Variants in METTL9 observed in about 807,000 individuals in gnomAD.
The protein encoded by METTL9 is methyltransferase 9, His-X-His N1(pi)-histidine.
In METTL9, 10 loss-of-function variants were observed where a neutral mutation model predicts 36.0. That is an observed-to-expected ratio of 0.28 (90% CI 0.17 to 0.47). The LOEUF (loss-of-function observed/expected upper bound fraction) is 0.47, where lower values mean the gene tolerates loss of function less well. Among genes scored for constraint, METTL9 ranks in the 20% least tolerant of loss-of-function variants. The pLI, the probability that METTL9 is intolerant of heterozygous loss-of-function variation, is 0.99. For missense variants in METTL9, 246 were observed against 383.5 expected, an observed-to-expected ratio of 0.64 and a Z score of 3.00; for synonymous variants, 175 against 149.7, an observed-to-expected ratio of 1.17 and a Z score of -1.23.
rs3046231 is a variant in METTL9 at position 21,605,257 on chromosome 16, C to CTTTTTTTT, written c.165+5391_165+5398dup. 7.6e-3 allele frequency among the ~76,000 whole-genome samples: 388 copies of CTTTTTTTT among 51,222 alleles called. 120 individuals carry two copies. Among genetic ancestry groups the CTTTTTTTT allele is most frequent in the Non-Finnish European group, 9.4e-3 (244 of 25,852 alleles). 33.6% of individuals were successfully genotyped at this position (51,222 alleles called of 152,430 possible). Reference sequence around the variant, plus strand: ...GGGGTGGTAAAAATAGGCTTGCCTTCTTTTTTTTTTTTTTTTTTTTTTTTT... The same window carrying CTTTTTTTT: ...GGGGTGGTAAAAATAGGCTTGCCTTCTTTTTTTTTTTTTTTTTTTTTTTTTTTTTTTTT... On this transcript the variant is annotated intron_variant, in intron 1 of 4. Coordinates refer to ENST00000358154, the MANE Select transcript of METTL9 (RefSeq NM_016025.5).
chr16:21,635,859 C>T (rs748715560), intron 4 of METTL9, among the ~76,000 whole-genome samples: 6 of 152,094 alleles, frequency 3.9e-5, no homozygotes, highest in East Asian at 1.9e-4. Flanking sequence ...TTGCGCTCAC[C>T]GAAGCAGCAG....
At chr16:21,624,448 C>T (rs1965775164) in intron 3 of METTL9, among the ~76,000 whole-genome samples, 1 of 152,038 alleles carries the variant, frequency 6.6e-6, no homozygotes, top group Non-Finnish European at 1.5e-5. Flanking sequence ...AAATATGGGC[C>T]AGTCGTGGTA....
In METTL9 at chr16:21,644,306, A is replaced by G. The variant is rs2290612; in HGVS notation, c.752-10921A>G. 15 of 1,612,246 alleles carry G rather than the reference A, an allele frequency of 9.3e-6. No individual in the cohort carries two copies. In the East Asian group the frequency reaches 3.3e-4, roughly 36 times the overall value. On this transcript the variant is annotated intron_variant, in intron 4 of 4. Coordinates refer to ENST00000358154, the MANE Select transcript of METTL9 (RefSeq NM_016025.5). ...TTGACTTACTTTGGAGAGGAGTATG[A>G]AGGCCACGCACACACCGGTCACATA...
chr16:21,627,350 T>C (rs1387228301), intron 4 of METTL9: 1 of 985,148 alleles, frequency 1.0e-6, no homozygotes. Flanking sequence ...GGTAATTGTT[T>C]TGGTAAATGG....
At chr16:21,649,053 C>T (rs931909490) in intron 4 of METTL9, among the ~76,000 whole-genome samples, 3 of 152,090 alleles carry the variant, frequency 2.0e-5, no homozygotes, top group Non-Finnish European at 4.4e-5. Flanking sequence ...TGCAATGGTG[C>T]AATCACGGCA....
intron 4 of METTL9, among the ~76,000 whole-genome samples, chr16:21,631,406 G>A (rs777149287): frequency 1.3e-5 from 2 of 152,196 alleles, no homozygotes; most frequent in Non-Finnish European, 2.9e-5. Flanking sequence ...ACCTCGTTTA[G>A]TGTATATTAA....
chr16:21,606,713 T>C (rs1220341125), intron 1 of METTL9, among the ~76,000 whole-genome samples: 2 of 152,120 alleles, frequency 1.3e-5, no homozygotes, highest in African/African-American at 4.8e-5. Context: ...CAAAAGATAC[T>C]CTTATTACCC....
intron 4 of METTL9, among the ~76,000 whole-genome samples, chr16:21,651,687 G>A (rs1052580568): frequency 3.4e-4 from 51 of 151,972 alleles, no homozygotes; most frequent in African/African-American, 1.2e-3. Flanking sequence ...ACATGGCTTC[G>A]ACCCAATCTT....
intron 4 of METTL9, chr16:21,652,590 A>C (rs1417091577): frequency 6.2e-7 from 1 of 1,610,432 alleles, no homozygotes; most frequent in Non-Finnish European, 8.5e-7. Flanking sequence ...TTCTGCTCGC[A>C]GTCCCCATTT....
At chr16:21,613,376 G>T (rs9921948) in intron 2 of METTL9, among the ~76,000 whole-genome samples, 4,943 of 151,576 alleles carry the variant, frequency 0.033, 291 homozygotes, top group African/African-American at 0.11. Context: ...TAGAGACGAG[G>T]TTTCTATGTT....
upstream of METTL9, among the ~76,000 whole-genome samples, chr16:21,598,352 CAAAAAA>C (rs1161878357): frequency 1.7e-5 from 1 of 59,154 alleles, no homozygotes; most frequent in African/African-American, 6.2e-5. Flanking sequence ...CACTCCGTTT[CAAAAAA>C]AAAAAAAAAA....
chr16:21,612,761 G>C lies in METTL9; in HGVS notation c.282G>C (p.Trp94Cys). 6.2e-7 allele frequency: 1 copy of C among 1,612,988 alleles called. No individual in the cohort carries two copies. Among genetic ancestry groups the C allele is most frequent in the Admixed American group, 1.7e-5 (1 of 59,870 alleles). The change falls in exon 2 of 5, where the codon TGG (tryptophan) becomes TGC (cysteine). Residue 94 changes from tryptophan to cysteine, a missense_variant. Trp to Cys is a radical substitution (Grantham distance 215). This residue lies in a region of METTL9 where 146 missense variants were observed against 302.1 expected (regional missense o/e 0.48). Coordinates refer to ENST00000358154, the MANE Select transcript of METTL9 (RefSeq NM_016025.5). ...FLNNSIEKSG[W>C]LFIQLYHSFV... is the part of the protein sequence containing the mutation. ...ACAACAGCATTGAGAAATCGGGCTG[G>C]CTATTTATCCAATTATATCATTCTT... is the stretch of plus-strand genomic sequence containing the variant.
At chr16:21,653,467 T>G (rs1167125552) in intron 4 of METTL9, 1 of 152,250 alleles carries the variant, frequency 6.6e-6, no homozygotes, top group Non-Finnish European at 1.5e-5. Context: ...AGTAAGGGTC[T>G]TCTTTGTAAA....
At chr16:21,628,608 C>T (rs1965868635) in intron 4 of METTL9, among the ~76,000 whole-genome samples, 1 of 152,124 alleles carries the variant, frequency 6.6e-6, no homozygotes, top group African/African-American at 2.4e-5. Flanking sequence ...ATTCTCCCAC[C>T]TCAGCCTCCT....
chr16:21,649,483 C>T (rs994257278), intron 4 of METTL9, among the ~76,000 whole-genome samples: 1 of 152,108 alleles, frequency 6.6e-6, no homozygotes, highest in African/African-American at 2.4e-5. Context: ...TGGATTCCCT[C>T]TCAAGTCTGA....
chr16:21,641,424 T>A, intron 4 of METTL9: 1 of 523,358 alleles, frequency 1.9e-6, no homozygotes, highest in Non-Finnish European at 3.3e-6. Context: ...GCCAGTTGTC[T>A]TTTCAGTTTA....
At chr16:21,647,558 T>G (rs1966464241) in intron 4 of METTL9, 1 of 1,534,452 alleles carries the variant, frequency 6.5e-7, no homozygotes, top group Non-Finnish European at 8.8e-7. Context: ...TTATTATATT[T>G]TTGAGGTAGG....
chr16:21,638,846 G>A (rs139198422), intron 4 of METTL9, among the ~76,000 whole-genome samples: 4 of 152,150 alleles, frequency 2.6e-5, no homozygotes, highest in Non-Finnish European at 4.4e-5. Flanking sequence ...AGTATGACCC[G>A]AGGATAGTTT....
intron 4 of METTL9, among the ~76,000 whole-genome samples, chr16:21,638,531 G>C: frequency 6.6e-6 from 1 of 152,182 alleles, no homozygotes; most frequent in East Asian, 1.9e-4. Flanking sequence ...GCATTTGAGG[G>C]CCTACTGTGT....
Sources: gnomAD v4.1 joint callset for allele counts (sites outside exome capture counted in the v4.1 genomes callset) on GRCh38, gnomAD v4.1.1 for gene constraint, gnomAD v4.1.1 regional missense constraint, MANE v1.5 for transcripts, NCBI Gene and HGNC (gene_info 2026-07-23, HGNC 2026-07-21) for gene names.